Variants in HEMK2 observed in about 807,000 individuals in gnomAD.
HEMK2 encodes HemK methyltransferase 2, ETF1 glutamine and histone H4 lysine, also known as methyltransferase HEMK2.
chr21:28,844,305 A>T, the HEMK2 span, among the ~76,000 whole-genome samples: 268 of 152,136 alleles, frequency 1.8e-3, 3 homozygotes, highest in African/African-American at 5.9e-3. Flanking sequence ...TCCACTCTTC[A>T]TATTAGCCTA....
At chr21:28,587,646 G>A in the HEMK2 span, among the ~76,000 whole-genome samples, 11 of 152,018 alleles carry the variant, frequency 7.2e-5, no homozygotes, top group African/African-American at 2.2e-4. Context: ...CTGTTATCCC[G>A]CTAAATGACA....
At chr21:28,843,755 A>G in the HEMK2 span, among the ~76,000 whole-genome samples, 3 of 152,152 alleles carry the variant, frequency 2.0e-5, no homozygotes, top group African/African-American at 7.2e-5. Context: ...TGTGGATATT[A>G]CTATTCATGG....
At chr21:28,742,980 T>C in the HEMK2 span, among the ~76,000 whole-genome samples, 1 of 152,180 alleles carries the variant, frequency 6.6e-6, no homozygotes, top group African/African-American at 2.4e-5. Flanking sequence ...ATTGTGATAG[T>C]AAATATTAAA....
At chr21:28,822,448 C>A in the HEMK2 span, among the ~76,000 whole-genome samples, 14 of 151,718 alleles carry the variant, frequency 9.2e-5, no homozygotes, top group African/African-American at 3.4e-4. Context: ...GGCTCATGTT[C>A]TAAAAAGATA....
the HEMK2 span, among the ~76,000 whole-genome samples, chr21:28,877,538 G>T: frequency 7.0e-6 from 1 of 142,136 alleles, no homozygotes; most frequent in Middle Eastern, 3.6e-3. Flanking sequence ...GAGAAGAGAA[G>T]AGAGAGAGAT....
chr21:28,663,795 G>C, the HEMK2 span, among the ~76,000 whole-genome samples: 7 of 152,172 alleles, frequency 4.6e-5, no homozygotes. Flanking sequence ...TGAACACTTT[G>C]GAGGAAATAA....
the HEMK2 span, among the ~76,000 whole-genome samples, chr21:28,651,661 G>A: frequency 6.6e-6 from 1 of 152,044 alleles, no homozygotes; most frequent in African/African-American, 2.4e-5. Context: ...TTATCACGAA[G>A]GTCAGACCAT....
the HEMK2 span, among the ~76,000 whole-genome samples, chr21:28,859,517 C>T: frequency 6.6e-6 from 1 of 152,182 alleles, no homozygotes; most frequent in Non-Finnish European, 1.5e-5. Flanking sequence ...TTAACCACTG[C>T]CTTAAGTGTG....
At chr21:28,624,411 T>C in the HEMK2 span, among the ~76,000 whole-genome samples, 4 of 152,304 alleles carry the variant, frequency 2.6e-5, no homozygotes, top group Admixed American at 2.6e-4. Context: ...GAAGTGACAT[T>C]CTTCTATTCC....
chr21:28,809,388 G>T, the HEMK2 span, among the ~76,000 whole-genome samples: 2 of 152,114 alleles, frequency 1.3e-5, no homozygotes, highest in African/African-American at 4.8e-5. Flanking sequence ...CTTATGTAAA[G>T]GTTTTTAAGT....
chr21:28,789,873 ATCACTCAC>A, the HEMK2 span, among the ~76,000 whole-genome samples: 4 of 152,190 alleles, frequency 2.6e-5, no homozygotes, highest in South Asian at 2.1e-4. Context: ...CCAGACTAAA[ATCACTCAC>A]TCACTCACTC....
chr21:28,718,625 AAAAT>A, the HEMK2 span, among the ~76,000 whole-genome samples: 1 of 152,162 alleles, frequency 6.6e-6, no homozygotes, highest in Non-Finnish European at 1.5e-5. Flanking sequence ...TTTAAAAAAA[AAAAT>A]AAACTGCTTG....
the HEMK2 span, among the ~76,000 whole-genome samples, chr21:28,731,387 A>C: frequency 4.1e-4 from 62 of 152,268 alleles, no homozygotes; most frequent in African/African-American, 1.4e-3. Flanking sequence ...CCATACTCAG[A>C]ATCTGTTGGA....
the HEMK2 span, among the ~76,000 whole-genome samples, chr21:28,602,081 A>C: frequency 6.6e-6 from 1 of 152,226 alleles, no homozygotes; most frequent in Non-Finnish European, 1.5e-5. Context: ...GGCTTCCTAA[A>C]CAAGAAAAAC....
the HEMK2 span, among the ~76,000 whole-genome samples, chr21:28,866,382 G>T: frequency 6.6e-6 from 1 of 151,794 alleles, no homozygotes; most frequent in African/African-American, 2.4e-5. Context: ...CCAGGAGGCA[G>T]AGGCTGCAGT....
the HEMK2 span, among the ~76,000 whole-genome samples, chr21:28,615,339 C>T: frequency 6.6e-6 from 1 of 151,790 alleles, no homozygotes; most frequent in African/African-American, 2.4e-5. Flanking sequence ...CCTTTTCCCC[C>T]TCCTCCTCTT....
chr21:28,708,876 T>A, the HEMK2 span, among the ~76,000 whole-genome samples: 1 of 151,988 alleles, frequency 6.6e-6, no homozygotes, highest in Non-Finnish European at 1.5e-5. Flanking sequence ...AAAGGAAAGG[T>A]TATATGTGTA....
At chr21:28,742,832 G>A in the HEMK2 span, among the ~76,000 whole-genome samples, 1 of 152,022 alleles carries the variant, frequency 6.6e-6, no homozygotes, top group Admixed American at 6.6e-5. Context: ...TCTATTTATT[G>A]AGGGAGAAAC....
chr21:28,672,429 CA>C, the HEMK2 span, among the ~76,000 whole-genome samples: 24 of 151,956 alleles, frequency 1.6e-4, no homozygotes, highest in Admixed American at 1.0e-3. Flanking sequence ...CATTTGTAGC[CA>C]AAAAGACTCT....
Sources: allele counts gnomAD v4.1 joint callset (sites outside exome capture counted in the v4.1 genomes callset), GRCh38; gene constraint gnomAD v4.1.1; transcripts MANE v1.5; gene names NCBI Gene and HGNC (gene_info 2026-07-23, HGNC 2026-07-21).